Variants in UBE2U observed in about 807,000 individuals in gnomAD.
UBE2U encodes ubiquitin-conjugating enzyme E2 U.
In UBE2U, 39 loss-of-function variants were observed where a neutral mutation model predicts 41.2. That is an observed-to-expected ratio of 0.95 (90% CI 0.73 to 1.24). The LOEUF (loss-of-function observed/expected upper bound fraction) is 1.24. Ranked by LOEUF, UBE2U falls within the 50% of genes most tolerant of loss-of-function variation. UBE2U has a pLI of 0.00. For synonymous variants in UBE2U, 107 were observed against 117.8 expected (o/e 0.91, Z 0.60); for missense variants, 336 against 363.1 (o/e 0.93, Z 0.61).
intron 6 of UBE2U, among the ~76,000 whole-genome samples, chr1:64,221,855 G>A (rs1300626011): frequency 6.6e-6 from 1 of 152,152 alleles, no homozygotes; most frequent in Non-Finnish European, 1.5e-5. Flanking sequence ...GGGAGGCCAA[G>A]GCGGGTGGAT....
chr1:64,247,135 A>G (rs1197707939), intron 8 of UBE2U, among the ~76,000 whole-genome samples: 1 of 150,828 alleles, frequency 6.6e-6, no homozygotes, highest in Non-Finnish European at 1.5e-5. Flanking sequence ...CTTTTTTAGA[A>G]TAAACACACT....
At chr1:64,223,587 C>G (rs1402642425) in intron 6 of UBE2U, among the ~76,000 whole-genome samples, 1 of 152,150 alleles carries the variant, frequency 6.6e-6, no homozygotes, top group African/African-American at 2.4e-5. Flanking sequence ...AGTGGAACTG[C>G]CTCTTTTAAA....
In UBE2U at chr1:64,203,879, G is replaced by T; in HGVS notation, c.-172G>T. On this transcript the variant is annotated 5_prime_UTR_variant, in exon 1 of 10. Coordinates refer to ENST00000371077, the MANE Select transcript of UBE2U (RefSeq NM_001366232.2). ...AGAGGAGTCAGGAGAAAAAGTCATT[G>T]TTATATCCCAACTTTAGAAGCCGCT... 1 of 480,696 alleles carries T rather than the reference G, an allele frequency of 2.1e-6. No homozygotes were observed. The allele number at this position is 480,696 out of a possible 1,614,324, so 29.8% of individuals were successfully genotyped here.
Position 64,206,799 on chromosome 1 carries a change from G to T in UBE2U, c.184G>T (p.Glu62Ter), listed in dbSNP as rs1221341396. 4 of 1,605,548 alleles carry T rather than the reference G, an allele frequency of 2.5e-6. No homozygotes were observed. The highest frequency in any genetic ancestry group is 3.4e-6 in the Non-Finnish European group (4 of 1,174,616). Reference sequence around the variant, plus strand: ...CCAACTGACAATACATTTTACATCGGAGTACAACTATGCTCCTCCAGTTGT... The same window carrying T: ...CCAACTGACAATACATTTTACATCGTAGTACAACTATGCTCCTCCAGTTGT... ...VFQLTIHFTS[E>*]YNYAPPVVKF... The change falls in exon 3 of 10, where the codon GAG (glutamate) becomes TAG (stop). Residue 62 changes from glutamate to a stop codon, truncating the protein, a stop_gained. Coordinates refer to ENST00000371077, the MANE Select transcript of UBE2U (RefSeq NM_001366232.2). LOFTEE classifies it high-confidence loss of function.
chr1:64,247,445 T>C (rs924410551), intron 8 of UBE2U, among the ~76,000 whole-genome samples: 7 of 151,870 alleles, frequency 4.6e-5, no homozygotes, highest in African/African-American at 1.5e-4. Flanking sequence ...AAATAGGAGG[T>C]GTTTGGGTCA....
chr1:64,250,289 G>T (rs1332808251), intron 8 of UBE2U, among the ~76,000 whole-genome samples: 2 of 152,104 alleles, frequency 1.3e-5, no homozygotes, highest in African/African-American at 4.8e-5. Context: ...CACTTAAAAA[G>T]AAATGAACAA....
intron 6 of UBE2U, among the ~76,000 whole-genome samples, chr1:64,225,588 G>A (rs1443063977): frequency 6.6e-6 from 1 of 152,256 alleles, no homozygotes; most frequent in Non-Finnish European, 1.5e-5. Flanking sequence ...TGGAAGCAAA[G>A]AGAAGAGTTA....
At chr1:64,205,614 A>G in intron 1 of UBE2U, 25 bp from the exon 2 acceptor site, 1 of 1,582,716 alleles carries the variant, frequency 6.3e-7, no homozygotes, top group Non-Finnish European at 8.6e-7. Flanking sequence ...GTTTTTTCTG[A>G]TTTAATTTTG....
intron 5 of UBE2U, among the ~76,000 whole-genome samples, chr1:64,217,613 A>G (rs1652116329): frequency 6.6e-6 from 1 of 152,176 alleles, no homozygotes; most frequent in African/African-American, 2.4e-5. Context: ...GAAGAAAAAT[A>G]CAAGAGTATA....
chr1:64,261,987 C>T lies in UBE2U; in HGVS notation c.769+1293C>T, dbSNP rs112356604. ...ACAGAAAATCCTTAATGCTCTAATACTTGTCTCTGTCTTTGCAGTGACATT... is the reference window on the plus strand; with the variant it reads ...ACAGAAAATCCTTAATGCTCTAATATTTGTCTCTGTCTTTGCAGTGACATT... On this transcript the variant is annotated intron_variant, in intron 9 of 9. Coordinates refer to ENST00000371077, the MANE Select transcript of UBE2U (RefSeq NM_001366232.2). Among the ~76,000 whole-genome samples the T allele has an allele frequency of 1.5e-3, 225 of 152,306 alleles. 1 individual carries two copies. The highest frequency in any genetic ancestry group is 5.2e-3 in the African/African-American group (216 of 41,578).
chr1:64,224,444 C>T (rs556581086), intron 6 of UBE2U, among the ~76,000 whole-genome samples: 19 of 152,160 alleles, frequency 1.2e-4, no homozygotes, highest in South Asian at 2.1e-4. Flanking sequence ...GTAAGCGGGC[C>T]GGGTGCAGTG....
At chr1:64,230,520 T>C (rs1167997398) in intron 6 of UBE2U, among the ~76,000 whole-genome samples, 1 of 152,188 alleles carries the variant, frequency 6.6e-6, no homozygotes, top group African/African-American at 2.4e-5. Context: ...CCTCTGTGTG[T>C]ACATATGTGC....
intron 9 of UBE2U, among the ~76,000 whole-genome samples, chr1:64,262,310 A>G (rs1012518631): frequency 1.3e-5 from 2 of 152,196 alleles, no homozygotes; most frequent in Admixed American, 1.3e-4. Flanking sequence ...CACACATTGA[A>G]TGGTTTAAAA....
intron 3 of UBE2U, 101 bp downstream of exon 3, chr1:64,206,957 A>G (rs1256046973): frequency 5.3e-6 from 4 of 756,854 alleles, no homozygotes; most frequent in Non-Finnish European, 8.6e-6. Flanking sequence ...TTATGATTCT[A>G]AAAGTAAGAA....
At chr1:64,263,623 T>C (rs1326841778) in intron 9 of UBE2U, among the ~76,000 whole-genome samples, 3 of 152,200 alleles carry the variant, frequency 2.0e-5, no homozygotes, top group Non-Finnish European at 2.9e-5. Context: ...AGAATGAACT[T>C]ATATAGGATA....
At chr1:64,231,296 G>T (rs1356164440) in intron 6 of UBE2U, among the ~76,000 whole-genome samples, 1 of 152,160 alleles carries the variant, frequency 6.6e-6, no homozygotes, top group African/African-American at 2.4e-5. Flanking sequence ...TGTGTTGACA[G>T]TTTCCTTCCT....
In UBE2U at chr1:64,232,561, A is replaced by G. The variant is rs112710776; in HGVS notation, c.507A>G (p.Arg169=). The G allele has an allele frequency of 6.2e-7, 1 of 1,607,992 alleles. No homozygotes were observed. The highest frequency in any genetic ancestry group is 1.3e-5 in the African/African-American group (1 of 74,654). ...GTCTGATTTTTATTTATATTTTCAG[A>G]CCAATTAAAACAACCTCATTTAGTG... ...ELPKDPRKCI[R]PIKTTSFSDY... Residue 169 remains arginine (R), a splice_region_variant and synonymous_variant, in exon 7 of 10, where the codon AGA becomes AGG. Coordinates refer to ENST00000371077, the MANE Select transcript of UBE2U (RefSeq NM_001366232.2).
At chr1:64,262,760 A>G (rs1460224488) in intron 9 of UBE2U, among the ~76,000 whole-genome samples, 1 of 152,190 alleles carries the variant, frequency 6.6e-6, no homozygotes, top group Non-Finnish European at 1.5e-5. Flanking sequence ...GGTCCTATCC[A>G]CACTCAGAAA....
At chr1:64,229,261 T>G (rs2100374972) in intron 6 of UBE2U, among the ~76,000 whole-genome samples, 1 of 151,970 alleles carries the variant, frequency 6.6e-6, no homozygotes, top group East Asian at 1.9e-4. Context: ...CCAAATATGG[T>G]TTTCAAGCAG....
Sources: allele counts gnomAD v4.1 joint callset (sites outside exome capture counted in the v4.1 genomes callset), GRCh38; gene constraint gnomAD v4.1.1; transcripts MANE v1.5; gene names NCBI Gene and HGNC (gene_info 2026-07-23, HGNC 2026-07-21).